The following PTGER3 variants were observed in gnomAD, a reference collection of about 807,000 sequenced individuals.
PTGER3 encodes prostaglandin E2 receptor EP3 subtype.
A neutral mutation model predicts 34.7 loss-of-function variants in PTGER3; 22 were observed. The ratio of observed to expected loss-of-function variants is 0.63; its 90% CI spans 0.45 to 0.91. The LOEUF is 0.91. Ranked by LOEUF, PTGER3 falls within the 40% of genes least tolerant of loss-of-function variation. The pLI is 0.00. For synonymous variants in PTGER3, 241 were observed against 230.1 expected (o/e 1.05, Z -0.43); for missense variants, 468 against 519.4 (o/e 0.90, Z 0.96).
chr1:70,965,883 T>C (rs897064532), downstream of PTGER3, among the ~76,000 whole-genome samples: 3 of 152,204 alleles, frequency 2.0e-5, no homozygotes, highest in Non-Finnish European at 4.4e-5. Flanking sequence ...TGATATGTAC[T>C]TGGAATTTTA....
At chr1:71,004,809 G>A (rs911920692) in intron 2 of PTGER3, among the ~76,000 whole-genome samples, 5 of 152,194 alleles carry the variant, frequency 3.3e-5, no homozygotes, top group African/African-American at 9.7e-5. Flanking sequence ...AAGCTGATCA[G>A]GGCCTGTGGT....
At chr1:71,011,246 A>T in intron 2 of PTGER3, 1 of 985,354 alleles carries the variant, frequency 1.0e-6, no homozygotes, top group African/African-American at 1.7e-5. Context: ...CAGGCAGAAG[A>T]GCTGTGAAGG....
chr1:70,931,794 G>C (rs1648725920), intron 4 of PTGER3, among the ~76,000 whole-genome samples: 1 of 152,288 alleles, frequency 6.6e-6, no homozygotes, highest in East Asian at 1.9e-4. Flanking sequence ...TTCCTGGTCT[G>C]TGATGGGAGG....
intron 4 of PTGER3, chr1:70,884,023 G>T (rs757392290): frequency 1.1e-5 from 4 of 374,434 alleles, no homozygotes; most frequent in South Asian, 5.9e-5. Flanking sequence ...GGAGGTGAAG[G>T]TTGCAGTGAG....
chr1:71,012,199 A>C (rs766754799), intron 2 of PTGER3, 106 bp downstream of exon 2: 59 of 1,604,142 alleles, frequency 3.7e-5, no homozygotes, highest in Non-Finnish European at 4.8e-5. Flanking sequence ...TGCACATGCA[A>C]GTTAAGTGTT....
chr1:70,931,381 C>T (rs1256586910), intron 4 of PTGER3, among the ~76,000 whole-genome samples: 7 of 152,180 alleles, frequency 4.6e-5, no homozygotes, highest in African/African-American at 9.6e-5. Context: ...AGGACGTCTG[C>T]CCTCTTCTCA....
intron 4 of PTGER3, among the ~76,000 whole-genome samples, chr1:70,946,512 T>G (rs1159987139): frequency 2.0e-5 from 3 of 152,322 alleles, no homozygotes; most frequent in Non-Finnish European, 4.4e-5. Flanking sequence ...TGCTTCTTCC[T>G]GCTGTGGTGA....
rs554089387 is a variant in PTGER3, at chr1:70,908,885, A to G, written c.*23+44878T>C. Reference sequence around the variant, plus strand: ...AATACTCAGAAAGCCCTATGCAATTACAATTACATATCCATTTTTACATAA... The same window carrying G: ...AATACTCAGAAAGCCCTATGCAATTGCAATTACATATCCATTTTTACATAA... On this transcript the variant is annotated intron_variant, in intron 4 of 4. Transcript: ENST00000370931. Among the ~76,000 whole-genome samples the G allele has an allele frequency of 2.6e-5, 4 of 152,356 alleles. No individual in the cohort carries two copies. The East Asian group carries it at 7.7e-4, about 29-fold the overall frequency.
downstream of PTGER3, among the ~76,000 whole-genome samples, chr1:70,966,739 G>A (rs1466703726): frequency 2.0e-5 from 3 of 152,062 alleles, no homozygotes; most frequent in Non-Finnish European, 4.4e-5. Flanking sequence ...TGAGGATGGT[G>A]GCTTCCAGCT....
intron 1 of PTGER3, among the ~76,000 whole-genome samples, chr1:71,039,984 G>T (rs963549184): frequency 6.6e-6 from 1 of 151,476 alleles, no homozygotes; most frequent in African/African-American, 2.4e-5. Flanking sequence ...TGTTAATCTT[G>T]TTGGTTTTCA....
intron 4 of PTGER3, among the ~76,000 whole-genome samples, chr1:70,867,592 G>T (rs1165974843): frequency 1.3e-5 from 2 of 152,124 alleles, no homozygotes; most frequent in African/African-American, 2.4e-5. Flanking sequence ...AGGTGTGGTG[G>T]CAGGCGCCTG....
downstream of PTGER3, among the ~76,000 whole-genome samples, chr1:70,949,111 G>T (rs1466613853): frequency 6.6e-6 from 1 of 151,752 alleles, no homozygotes; most frequent in Non-Finnish European, 1.5e-5. Flanking sequence ...GCGGCGGAAG[G>T]GAGTTACATA....
At chr1:70,865,689 T>C (rs1336526478) in intron 4 of PTGER3, 2 of 1,366,442 alleles carry the variant, frequency 1.5e-6, no homozygotes, top group South Asian at 1.1e-5. Flanking sequence ...CTTTACTTAC[T>C]AAGAAGTTTG....
intron 2 of PTGER3, among the ~76,000 whole-genome samples, chr1:71,003,528 TA>T (rs1381247804): frequency 1.8e-4 from 28 of 152,326 alleles, no homozygotes; most frequent in Admixed American, 1.7e-3. Context: ...TAACTTGTAA[TA>T]TTTTTTTTAA....
intron 1 of PTGER3, among the ~76,000 whole-genome samples, chr1:71,033,078 C>T (rs11802091): frequency 0.016 from 2,458 of 152,190 alleles, 66 homozygotes; most frequent in African/African-American, 0.056. Flanking sequence ...ATCAAATTTA[C>T]CTCCTAATTC....
exon 4 of PTGER3, chr1:70,952,842 C>A: frequency 1.4e-6 from 2 of 1,478,550 alleles, no homozygotes; most frequent in Non-Finnish European, 9.0e-7. Flanking sequence ...GGATTAGAGT[C>A]ACAAACTCAG....
In PTGER3 at chr1:70,868,202, T is replaced by C. The variant is rs545029818; in HGVS notation, c.*24-15343A>G. On this transcript the variant is annotated intron_variant, in intron 4 of 4. Transcript: ENST00000370931. ...ATTTAGTTCATCTAGTATACTCCTA[T>C]GTCACCTTTACAATTCCACTCAAAC... Among the ~76,000 whole-genome samples the C allele has an allele frequency of 2.0e-5, 3 of 152,166 alleles. No homozygotes were observed. The East Asian group carries it at 5.8e-4, about 29-fold the overall frequency.
intron 2 of PTGER3, among the ~76,000 whole-genome samples, chr1:70,999,290 TGAG>T (rs1656266142): frequency 6.6e-6 from 1 of 152,232 alleles, no homozygotes; most frequent in Non-Finnish European, 1.5e-5. Context: ...TTGGAGACGC[TGAG>T]ATTTTGTTTC....
At chr1:70,871,784 G>A (rs759066439) in intron 4 of PTGER3, among the ~76,000 whole-genome samples, 1 of 152,104 alleles carries the variant, frequency 6.6e-6, no homozygotes, top group African/African-American at 2.4e-5. Context: ...AGCTGGACTT[G>A]CAATTTTTTT....
Sources: gnomAD v4.1 joint callset for allele counts (sites outside exome capture counted in the v4.1 genomes callset) on GRCh38, gnomAD v4.1.1 for gene constraint, MANE v1.5 for transcripts, NCBI Gene and HGNC (gene_info 2026-07-23, HGNC 2026-07-21) for gene names.